The following CALM2 variants were observed in gnomAD, a reference collection of about 807,000 sequenced individuals.
CALM2 encodes calmodulin-2.
Under a neutral mutation model 19.8 loss-of-function variants are expected in CALM2, and 2 were observed. That is an observed-to-expected ratio of 0.10 (90% confidence interval 0.04 to 0.32). The LOEUF (loss-of-function observed/expected upper bound fraction) is 0.32. Among genes scored for constraint, CALM2 ranks in the 10% least tolerant of loss-of-function variants. The pLI is 1.00. For missense variants in CALM2, 38 were observed against 178.7 expected (o/e 0.21, Z 4.49); for synonymous variants, 51 against 52.1 (o/e 0.98, Z 0.09).
chr2:47,174,621 T>C (rs754448732), intron 1 of CALM2, among the ~76,000 whole-genome samples: 18 of 151,992 alleles, frequency 1.2e-4, no homozygotes, highest in Non-Finnish European at 2.2e-4. Context: ...ATGCAAACAG[T>C]AACTACAAAA....
chr2:47,160,839 T>C (rs750491718), intron 5 of CALM2, 35 bp from the exon 6 acceptor site: 9 of 710,302 alleles, frequency 1.3e-5, no homozygotes, highest in East Asian at 1.1e-4. Context: ...AATGAGTCAA[T>C]AGCAAAAGAC....
chr2:47,160,494 C>T lies in CALM2; in HGVS notation c.*282G>A, dbSNP rs1803206. 6.5e-6 allele frequency: 2 copies of T among 307,722 alleles called. No individual in the cohort carries two copies. Among genetic ancestry groups the T allele is most frequent in the African/African-American group, 2.2e-5 (1 of 46,268 alleles). The allele number at this position is 307,722 out of a possible 1,614,324, so 19.1% of individuals were successfully genotyped here. ...TTAAAAAAGGCATAACCCAGATGTT[C>T]CCTCATTTGACCAACTCCATCTAAG... On this transcript the variant is annotated 3_prime_UTR_variant, in exon 6 of 6. Transcript: ENST00000272298.
At chr2:47,171,205 C>T (rs957920915) in intron 1 of CALM2, 3 of 155,622 alleles carry the variant, frequency 1.9e-5, no homozygotes, top group African/African-American at 7.3e-5. Flanking sequence ...AACTTTTATT[C>T]CTTCTCACCC....
chr2:47,175,672 G>A (rs373671668), intron 1 of CALM2, among the ~76,000 whole-genome samples: 2 of 151,366 alleles, frequency 1.3e-5, no homozygotes, highest in African/African-American at 4.8e-5. Flanking sequence ...ATGGGAAACC[G>A]TCGAGGCCCC....
At chr2:47,171,523 C>T (rs575325031) in intron 1 of CALM2, 1 of 152,254 alleles carries the variant, frequency 6.6e-6, no homozygotes, top group African/African-American at 2.4e-5. Context: ...ATTAGTAGAA[C>T]AAAGATAAAG....
rs530280284 is a variant in CALM2, at chr2:47,161,618, C to T, written c.421+105G>A. ...TAAATGTAAGTAACTGTTTTAGCAA[C>T]CTAATTTCAGGGGAAGGGTCACTAA... is the stretch of plus-strand genomic sequence containing the variant. On this transcript the variant is annotated intron_variant, in intron 5 of 5. Transcript: ENST00000272298. The T allele has an allele frequency of 3.8e-3, 3,859 of 1,026,238 alleles. 18 individuals carry two copies. The highest frequency in any genetic ancestry group is 4.8e-3 in the Non-Finnish European group (3,394 of 711,238). 63.6% of individuals were successfully genotyped at this position (1,026,238 alleles called of 1,614,324 possible).
rs1220171879 is a variant in CALM2 at position 47,160,552 on chromosome 2, G to C, written c.*224C>G. 9.3e-6 allele frequency: 4 copies of C among 429,314 alleles called. No individual in the cohort carries two copies. The allele number at this position is 429,314 out of a possible 1,614,324, so 26.6% of individuals were successfully genotyped here. A position where few individuals can be genotyped will look rare whatever the true frequency, so the allele number is the denominator to read the frequency against. ...GTGCAGAAGGGCTTAGATATATCCA[G>C]AGTAAGCCACATGCAACATGTTACT... On this transcript the variant is annotated 3_prime_UTR_variant, in exon 6 of 6. Coordinates refer to ENST00000272298, the MANE Select transcript of CALM2 (RefSeq NM_001743.6).
intron 1 of CALM2, chr2:47,173,628 TG>T (rs1448354494): frequency 1.3e-5 from 2 of 152,234 alleles, no homozygotes. Flanking sequence ...TGAATACTGT[TG>T]GAGTTTATCT....
rs549753745 is a variant in CALM2, at chr2:47,160,876, C to T, written c.422-72G>A. The T allele has an allele frequency of 2.8e-5, 17 of 613,984 alleles. No individual in the cohort carries two copies. The East Asian group carries it at 6.4e-4, about 23-fold the overall frequency. 38.0% of individuals were successfully genotyped at this position (613,984 alleles called of 1,614,324 possible). On this transcript the variant is annotated intron_variant, in intron 5 of 5. Coordinates refer to ENST00000272298, the MANE Select transcript of CALM2 (RefSeq NM_001743.6). ...AAAAAAAAAAAAAAAAAAAAAAAAT[C>T]ACATTTACTCAATTACTGAGTACTC...
At position 47,176,324 on chromosome 2, in the gene CALM2, C is replaced by G. The variant is rs527960622; in HGVS notation, c.3+117G>C. ...ATCCCTGGCCTCTTTCGCGCCATCC[C>G]TCTGGCAGAAACCACTCCTTGAAGG... On this transcript the variant is annotated intron_variant, in intron 1 of 5. Coordinates refer to ENST00000272298, the MANE Select transcript of CALM2 (RefSeq NM_001743.6). 4 of 1,303,200 alleles carry G rather than the reference C, an allele frequency of 3.1e-6. No individual in the cohort carries two copies. In the East Asian group the frequency reaches 9.9e-5, roughly 32 times the overall value. 80.7% of individuals were successfully genotyped at this position (1,303,200 alleles called of 1,614,324 possible).
Position 47,175,806 on chromosome 2 carries a change from G to C in CALM2, c.3+635C>G, listed in dbSNP as rs1487880995. ...GCGGGGCGGCGGCTCCGGGTCCCGC[G>C]AGGCGCTCGCCCGCCCCGCCCCCAC... On this transcript the variant is annotated intron_variant, in intron 1 of 5. Transcript: ENST00000272298. Among the ~76,000 whole-genome samples, 5 of 148,170 alleles carry C rather than the reference G, an allele frequency of 3.4e-5. No individual in the cohort carries two copies. The South Asian group carries it at 1.0e-3, about 31-fold the overall frequency.
intron 2 of CALM2, 34 bp downstream of exon 2, chr2:47,170,700 T>A: frequency 1.9e-6 from 3 of 1,563,138 alleles, no homozygotes; most frequent in Non-Finnish European, 2.6e-6. Flanking sequence ...ATAATAAGAA[T>A]CTAATGGGTA....
rs533410028 is a variant in CALM2, at chr2:47,169,565, T to TA, written c.34+1168dup. On this transcript the variant is annotated intron_variant, in intron 2 of 5. Transcript: ENST00000272298. ...TTTGCTTTTTGTTCATAACAGTCAA[T>TA]ACATGTAATTTACCAACCTCAGAAA... 1.8e-4 allele frequency among the ~76,000 whole-genome samples: 28 copies of TA among 152,268 alleles called. 1 individual carries two copies. In the South Asian group the frequency reaches 5.2e-3, roughly 28 times the overall value.
intron 2 of CALM2, among the ~76,000 whole-genome samples, chr2:47,166,533 A>G (rs1666479119): frequency 6.6e-6 from 1 of 152,256 alleles, no homozygotes; most frequent in African/African-American, 2.4e-5. Context: ...ATCTATGCTA[A>G]TACCATTTGT....
At chr2:47,161,449 T>C (rs1180633551) in intron 5 of CALM2, among the ~76,000 whole-genome samples, 3 of 152,216 alleles carry the variant, frequency 2.0e-5, no homozygotes, top group Non-Finnish European at 4.4e-5. Context: ...TCTCAAACTT[T>C]ATACATGAAT....
chr2:47,174,745 GTTTA>G (rs1243971119), intron 1 of CALM2, among the ~76,000 whole-genome samples: 1 of 150,902 alleles, frequency 6.6e-6, no homozygotes, highest in East Asian at 1.9e-4. Context: ...TTTACCCTTC[GTTTA>G]TTTAAAAAAA....
At chr2:47,164,347 AACACACACACACACACACACAC>A (rs61085424) in intron 2 of CALM2, among the ~76,000 whole-genome samples, 99,322 of 139,600 alleles carry the variant, frequency 0.71, 35,714 homozygotes, top group East Asian at 0.84. Context: ...TCTCTACTAA[AACACACACACACACACACACAC>A]ACACACACAC....
At chr2:47,162,862 T>C in intron 2 of CALM2, 200 bp from the exon 3 acceptor site, 1 of 486,200 alleles carries the variant, frequency 2.1e-6, no homozygotes, top group Non-Finnish European at 3.7e-6. Flanking sequence ...CCAATGGAGG[T>C]AGCAATTGAA....
chr2:47,176,805 C>A (rs550546472), upstream of CALM2: 18 of 985,156 alleles, frequency 1.8e-5, no homozygotes, highest in South Asian at 9.4e-5. Flanking sequence ...GGCGATGCGT[C>A]CCCCGTTGGT....
Sources: allele counts gnomAD v4.1 joint callset (sites outside exome capture counted in the v4.1 genomes callset), GRCh38; gene constraint gnomAD v4.1.1; transcripts MANE v1.5; gene names NCBI Gene and HGNC (gene_info 2026-07-23, HGNC 2026-07-21).